The following NCKAP5L variants were observed in gnomAD, a reference collection of about 807,000 sequenced individuals.
NCKAP5L encodes nck-associated protein 5-like.
In NCKAP5L, 54 loss-of-function variants were observed where a neutral mutation model predicts 103.2. The ratio of observed to expected loss-of-function variants is 0.52; its 90% CI spans 0.42 to 0.66. The LOEUF (loss-of-function observed/expected upper bound fraction) is 0.66. Ranked by LOEUF, NCKAP5L falls within the 30% of genes least tolerant of loss-of-function variation. NCKAP5L has a pLI of 0.00. For missense variants in NCKAP5L, 1,733 were observed against 1,750.6 expected (o/e 0.99, Z 0.18); for synonymous variants, 762 against 748.6 (o/e 1.02, Z -0.29).
At chr12:49,811,403 G>C (rs924929234) in intron 1 of NCKAP5L, among the ~76,000 whole-genome samples, 3 of 152,046 alleles carry the variant, frequency 2.0e-5, no homozygotes, top group African/African-American at 7.2e-5. Flanking sequence ...AGCCAGCAGA[G>C]GGGAACCCCC....
At chr12:49,812,964 T>G (rs1946257363) in intron 1 of NCKAP5L, among the ~76,000 whole-genome samples, 1 of 152,220 alleles carries the variant, frequency 6.6e-6, no homozygotes, top group African/African-American at 2.4e-5. Context: ...ATCTCCAGGC[T>G]TCTTATAATA....
intron 1 of NCKAP5L, among the ~76,000 whole-genome samples, chr12:49,819,257 A>G (rs1218166922): frequency 6.6e-6 from 1 of 151,600 alleles, no homozygotes; most frequent in Non-Finnish European, 1.5e-5. Flanking sequence ...GCTCGCAGTG[A>G]GCTGAGATTG....
At chr12:49,815,865 C>A (rs1946290008) in intron 1 of NCKAP5L, among the ~76,000 whole-genome samples, 2 of 152,086 alleles carry the variant, frequency 1.3e-5, no homozygotes, top group African/African-American at 4.8e-5. Context: ...TTGCCACAAA[C>A]ACTTTTCCAA....
intron 1 of NCKAP5L, among the ~76,000 whole-genome samples, chr12:49,812,281 C>A (rs1946248542): frequency 6.6e-6 from 1 of 152,148 alleles, no homozygotes; most frequent in Non-Finnish European, 1.5e-5. Flanking sequence ...TCAATCATAT[C>A]ATTGGTGCCT....
intron 8 of NCKAP5L, 71 bp downstream of exon 8, chr12:49,794,694 G>A (rs1342068688): frequency 1.6e-5 from 19 of 1,222,152 alleles, no homozygotes; most frequent in Non-Finnish European, 2.0e-5. Context: ...AGCTCCAGAC[G>A]CAGGTGTGCC....
chr12:49,825,797 G>C (rs1399802876), intron 1 of NCKAP5L, among the ~76,000 whole-genome samples: 15 of 152,198 alleles, frequency 9.9e-5, no homozygotes, highest in Admixed American at 9.8e-4. Flanking sequence ...AACCCAGGGA[G>C]AATGTGCCCC....
chr12:49,796,263 T>G lies in NCKAP5L; in HGVS notation c.1597A>C (p.Thr533Pro), dbSNP rs1472695471. ...PSPCYTTPDS[T>P]QLRPPQSALS... ...GCTGACTGCGGGGGTCTGAGCTGTGTGGAGTCTGGGGTTGTGTAGCAGGGT... is the reference window on the plus strand; with the variant it reads ...GCTGACTGCGGGGGTCTGAGCTGTGGGGAGTCTGGGGTTGTGTAGCAGGGT... The change falls in exon 8 of 13, where the codon ACA becomes CCA. Residue 533 changes from threonine (T) to proline (P), a missense_variant. By Grantham distance (38) the Thr-to-Pro change is conservative. Coordinates refer to ENST00000335999, the MANE Select transcript of NCKAP5L (RefSeq NM_001037806.4). The G allele has an allele frequency of 6.4e-7, 1 of 1,560,574 alleles. No homozygotes were observed.
chr12:49,812,073 C>T (rs917229201), intron 1 of NCKAP5L, among the ~76,000 whole-genome samples: 1 of 152,158 alleles, frequency 6.6e-6, no homozygotes, highest in South Asian at 2.1e-4. Flanking sequence ...ACAATTCACC[C>T]ACTGAAAGTG....
At chr12:49,808,289 T>G (rs533761885) in intron 1 of NCKAP5L, among the ~76,000 whole-genome samples, 243 of 152,282 alleles carry the variant, frequency 1.6e-3, no homozygotes, top group Non-Finnish European at 3.0e-3. Context: ...GTGCCCCAGC[T>G]GGAGTGGGGC....
In NCKAP5L at chr12:49,803,127, C is replaced by T. The variant is rs1946139449; in HGVS notation, c.162G>A (p.Gln54=). ...CCAGACAGCGCTCATAAGTCTCCCGCTGGTTTTCGTTGGCCTGGGCAAGTG... is the reference window on the plus strand; with the variant it reads ...CCAGACAGCGCTCATAAGTCTCCCGTTGGTTTTCGTTGGCCTGGGCAAGTG... ...NSALAQANEN[Q]RETYERCLDE... Residue 54 remains glutamine (Q), a synonymous_variant, in exon 4 of 13, where the codon CAG becomes CAA. Coordinates refer to ENST00000335999, the MANE Select transcript of NCKAP5L (RefSeq NM_001037806.4). 6.2e-7 allele frequency: 1 copy of T among 1,614,156 alleles called. No homozygotes were observed. The highest frequency in any genetic ancestry group is 1.7e-5 in the Admixed American group (1 of 60,014).
rs1289281090 is a variant in NCKAP5L at position 49,793,416 on chromosome 12, C to T, written c.3276G>A (p.Gly1092=). The T allele has an allele frequency of 8.1e-6, 13 of 1,609,528 alleles. No individual in the cohort carries two copies. The highest frequency in any genetic ancestry group is 1.1e-5 in the Non-Finnish European group (13 of 1,179,790). Residue 1092 remains glycine, a synonymous_variant, in exon 10 of 13, where the codon GGG becomes GGA. Transcript: ENST00000335999. ...KPPGKPSSEP[G]RREEMPSEDS... ...CCTCCGAGGGCATCTCTTCCCGCCT[C>T]CCTGGCTCGCTGCTCGGCTGTGTGG... is the stretch of plus-strand genomic sequence containing the variant.
chr12:49,791,963 G>A lies in NCKAP5L; in HGVS notation c.3881C>T (p.Pro1294Leu). 1 of 1,611,234 alleles carries A rather than the reference G, an allele frequency of 6.2e-7. No individual in the cohort carries two copies. The highest frequency in any genetic ancestry group is 2.2e-5 in the East Asian group (1 of 44,842). ...QGPPFGGSRT[P>L]STSDMAEEGR... ...TTCCTCGGCCATGTCCGAAGTGCTG[G>A]GGGTGCGGCTACCCCCGAAAGGTGG... Residue 1294 changes from proline (P) to leucine (L), a missense_variant, in exon 13 of 13, where the codon CCC (proline) becomes CTC (leucine). Transcript: ENST00000335999.
chr12:49,814,158 ATT>A (rs1250613294), intron 1 of NCKAP5L, among the ~76,000 whole-genome samples: 19 of 91,868 alleles, frequency 2.1e-4, no homozygotes, highest in African/African-American at 1.3e-3. Context: ...TTTATTTTAT[ATT>A]TATATATATA....
intron 1 of NCKAP5L, among the ~76,000 whole-genome samples, chr12:49,811,555 C>A (rs999443237): frequency 2.6e-5 from 4 of 152,100 alleles, no homozygotes; most frequent in Non-Finnish European, 5.9e-5. Flanking sequence ...TCTTCAGTAT[C>A]TACCTCCTGA....
intron 1 of NCKAP5L, among the ~76,000 whole-genome samples, chr12:49,812,264 T>C (rs1235443537): frequency 6.6e-6 from 1 of 152,228 alleles, no homozygotes; most frequent in Admixed American, 6.5e-5. Flanking sequence ...GGACATTTCA[T>C]GTGAATTCAA....
intron 1 of NCKAP5L, among the ~76,000 whole-genome samples, chr12:49,822,416 G>A (rs377271549): frequency 1.8e-4 from 27 of 152,232 alleles, no homozygotes; most frequent in African/African-American, 5.5e-4. Context: ...GACATGCTAC[G>A]CTGTATTTTG....
Position 49,795,494 on chromosome 12 carries a change from T to C in NCKAP5L, c.2366A>G (p.Gln789Arg). ...KSRLAGALCPQVPRTPAKVPT... is the reference protein window; with the variant it reads ...KSRLAGALCPRVPRTPAKVPT... ...CACTTTGGCAGGGGTACGGGGTACC[T>C]GGGGGCACAGGGCCCCTGCCAGCCG... is the stretch of plus-strand genomic sequence containing the variant. Residue 789 changes from glutamine to arginine, a missense_variant, in exon 8 of 13, where the codon CAG becomes CGG. Transcript: ENST00000335999. 1 of 1,534,644 alleles carries C rather than the reference T, an allele frequency of 6.5e-7. No homozygotes were observed. The highest frequency in any genetic ancestry group is 1.4e-5 in the African/African-American group (1 of 72,158).
At chr12:49,819,586 C>G (rs1946338838) in intron 1 of NCKAP5L, among the ~76,000 whole-genome samples, 1 of 152,118 alleles carries the variant, frequency 6.6e-6, no homozygotes, top group Non-Finnish European at 1.5e-5. Flanking sequence ...CAGACAAATA[C>G]CACGTGATCT....
intron 8 of NCKAP5L, 63 bp from the exon 9 acceptor site, chr12:49,793,959 C>T (rs1296183270): frequency 1.1e-5 from 15 of 1,387,616 alleles, no homozygotes; most frequent in Non-Finnish European, 1.4e-5. Context: ...TCCAGCCTTG[C>T]ACCCGCCAAT....
Sources: allele counts gnomAD v4.1 joint callset (sites outside exome capture counted in the v4.1 genomes callset), GRCh38; gene constraint gnomAD v4.1.1; transcripts MANE v1.5; gene names NCBI Gene and HGNC (gene_info 2026-07-23, HGNC 2026-07-21).